LPP: variants seen among roughly 807,000 people sequenced by gnomAD.
LPP encodes LIM domain containing preferred translocation partner in lipoma.
In LPP, 38 loss-of-function variants were observed where a neutral mutation model predicts 60.4. The ratio of observed to expected loss-of-function variants is 0.63; its 90% confidence interval spans 0.49 to 0.83. The LOEUF is 0.83. LPP is among the 40% of genes least tolerant of loss of function. The pLI is 0.00. For synonymous variants in LPP, 328 were observed against 290.8 expected (o/e 1.13, Z -1.30); for missense variants, 902 against 783.6 (o/e 1.15, Z -1.80).
intron 9 of LPP, among the ~76,000 whole-genome samples, chr3:188,832,964 C>T (rs1392067806): frequency 6.6e-6 from 1 of 152,166 alleles, no homozygotes; most frequent in Non-Finnish European, 1.5e-5. Context: ...AACACTGGAT[C>T]GTTTGCTCCC....
intron 2 of LPP, among the ~76,000 whole-genome samples, chr3:188,230,479 G>A (rs1049915077): frequency 5.3e-5 from 8 of 152,168 alleles, no homozygotes; most frequent in Admixed American, 5.2e-4. Context: ...CGTGGATGAA[G>A]AGTTGGGAGA....
At chr3:188,357,051 C>T (rs1767814012) in intron 3 of LPP, among the ~76,000 whole-genome samples, 1 of 152,180 alleles carries the variant, frequency 6.6e-6, no homozygotes, top group Non-Finnish European at 1.5e-5. Flanking sequence ...CTACCACCAC[C>T]ACCATGGTTC....
chr3:188,800,171 G>GT (rs1428774049), intron 9 of LPP, among the ~76,000 whole-genome samples: 164 of 56,018 alleles, frequency 2.9e-3, no homozygotes, highest in Non-Finnish European at 4.9e-3. Context: ...ATTTAACATT[G>GT]TTTCTTTTTT....
rs557466796 is a variant in LPP at position 188,680,055 on chromosome 3, C to T, written c.1114-28212C>T. ...GGAGTCAACAAACATTCACTAGTGG[C>T]CCAAAGGAGCACTCATCAGAGGAAA... On this transcript the variant is annotated intron_variant, in intron 7 of 11. Coordinates refer to ENST00000617246, the MANE Select transcript of LPP (RefSeq NM_001375462.1). 7.9e-5 allele frequency among the ~76,000 whole-genome samples: 12 copies of T among 152,216 alleles called. No homozygotes were observed. In the East Asian group the frequency reaches 1.2e-3, roughly 15 times the overall value.
chr3:188,239,596 T>C (rs1723135221), intron 2 of LPP, among the ~76,000 whole-genome samples: 2 of 152,214 alleles, frequency 1.3e-5, no homozygotes, highest in Non-Finnish European at 1.5e-5. Context: ...GCTCCTTAGT[T>C]CTATTTTGTG....
At chr3:188,267,238 G>A (rs1299801341) in intron 2 of LPP, among the ~76,000 whole-genome samples, 1 of 152,140 alleles carries the variant, frequency 6.6e-6, no homozygotes, top group Non-Finnish European at 1.5e-5. Flanking sequence ...GAGAGGCTCA[G>A]CTGACCTCGC....
intron 9 of LPP, among the ~76,000 whole-genome samples, chr3:188,816,779 T>C (rs748776732): frequency 2.6e-5 from 4 of 152,200 alleles, no homozygotes; most frequent in Non-Finnish European, 5.9e-5. Flanking sequence ...CAAGACCAAG[T>C]TTTATGAAAT....
rs1236256675 is a variant in LPP at position 188,217,747 on chromosome 3, CCA to C, written c.-189-7657_-189-7656del. Among the ~76,000 whole-genome samples the C allele has an allele frequency of 6.6e-6, 1 of 152,010 alleles. No individual in the cohort carries two copies. Among genetic ancestry groups the C allele is most frequent in the Non-Finnish European group, 1.5e-5 (1 of 68,010 alleles). ...GAAAATAGGTGCCCTAGGGGGTTGC[CCA>C]GATAAGCAGCTGGCGTTCCAAGACC... is the stretch of plus-strand genomic sequence containing the variant. On this transcript the variant is annotated intron_variant, in intron 1 of 11. Transcript: ENST00000617246. This position sits in a 1 kb window ranked among gnomAD's most constrained non-coding sequence, Gnocchi z 4.0.
intron 5 of LPP, among the ~76,000 whole-genome samples, chr3:188,503,571 C>T (rs923879534): frequency 2.7e-5 from 4 of 150,658 alleles, no homozygotes; most frequent in Non-Finnish European, 2.9e-5. Context: ...CATTTCTTCT[C>T]AACCTGCAGG....
chr3:188,307,096 A>G (rs1024044142), intron 2 of LPP, among the ~76,000 whole-genome samples: 1 of 152,234 alleles, frequency 6.6e-6, no homozygotes, highest in Non-Finnish European at 1.5e-5. Flanking sequence ...AAACTTTGCT[A>G]TACTTTGCAT....
intron 9 of LPP, among the ~76,000 whole-genome samples, chr3:188,766,637 A>G (rs1056352103): frequency 9.2e-5 from 14 of 152,314 alleles, no homozygotes; most frequent in Middle Eastern, 3.4e-3. Context: ...AAGGCCGGCT[A>G]TCTCTACATC....
At chr3:188,330,011 GT>G (rs2150493527) in intron 2 of LPP, among the ~76,000 whole-genome samples, 1 of 152,212 alleles carries the variant, frequency 6.6e-6, no homozygotes, top group African/African-American at 2.4e-5. Context: ...CTCTATTAAA[GT>G]TTCTTGCTCT....
intron 9 of LPP, among the ~76,000 whole-genome samples, chr3:188,790,807 T>G: frequency 8.3e-6 from 1 of 120,168 alleles, no homozygotes; most frequent in Non-Finnish European, 1.7e-5. Context: ...GGCGACAGAG[T>G]GAGACTCTGT....
At chr3:188,397,874 A>G (rs973563165) in intron 3 of LPP, among the ~76,000 whole-genome samples, 2 of 152,140 alleles carry the variant, frequency 1.3e-5, no homozygotes, top group Non-Finnish European at 2.9e-5. Context: ...TCGGCCTCCC[A>G]AAGTGCTGGG....
intron 4 of LPP, among the ~76,000 whole-genome samples, chr3:188,470,754 G>T (rs893155254): frequency 1.9e-4 from 29 of 152,176 alleles, no homozygotes; most frequent in African/African-American, 6.5e-4. Context: ...GGAGACAGAG[G>T]TGTGAGCAAA....
At chr3:188,225,705 T>C (rs997032240) in intron 2 of LPP, among the ~76,000 whole-genome samples, 178 bp downstream of exon 2, 2 of 152,174 alleles carry the variant, frequency 1.3e-5, no homozygotes, top group South Asian at 2.1e-4. Context: ...TTTATGGCAA[T>C]AGACAATATA....
chr3:188,598,542 A>AACATTGCTT (rs1181604794), intron 6 of LPP, among the ~76,000 whole-genome samples: 4 of 152,172 alleles, frequency 2.6e-5, no homozygotes, highest in Non-Finnish European at 5.9e-5. Flanking sequence ...TATAACATAT[A>AACATTGCTT]ATCACATTGC....
intron 2 of LPP, among the ~76,000 whole-genome samples, chr3:188,303,397 C>T (rs183557911): frequency 5.3e-5 from 8 of 152,310 alleles, no homozygotes; most frequent in Admixed American, 5.2e-4. Context: ...AGAGTAGTAC[C>T]TGGCATGGGA....
At chr3:188,339,246 A>G (rs1282508725) in intron 2 of LPP, among the ~76,000 whole-genome samples, 1 of 152,170 alleles carries the variant, frequency 6.6e-6, no homozygotes, top group Non-Finnish European at 1.5e-5. Flanking sequence ...GTTGTCCCAG[A>G]TGTCTGTATG....
Sources: gnomAD v4.1 joint callset for allele counts (sites outside exome capture counted in the v4.1 genomes callset) on GRCh38, gnomAD v4.1.1 for gene constraint, Gnocchi (gnomAD v3.1) non-coding constraint, MANE v1.5 for transcripts, NCBI Gene and HGNC (gene_info 2026-07-23, HGNC 2026-07-21) for gene names.